The following GLRA3 variants were observed in gnomAD, a reference collection of about 807,000 sequenced individuals.
GLRA3 encodes glycine receptor subunit alpha-3.
In GLRA3, 44 loss-of-function variants were observed where a neutral mutation model predicts 60.4. That is an observed-to-expected ratio of 0.73 (90% CI 0.57 to 0.94). The LOEUF (loss-of-function observed/expected upper bound fraction) is 0.94, where lower values mean the gene tolerates loss of function less well. GLRA3 is among the 40% of genes least tolerant of loss of function. GLRA3 has a pLI of 0.00. For synonymous variants in GLRA3, 223 were observed against 192.9 expected (o/e 1.16, Z -1.29); for missense variants, 508 against 564.6 (o/e 0.90, Z 1.02).
At chr4:174,793,001 T>G (rs1015165031) in intron 1 of GLRA3, among the ~76,000 whole-genome samples, 3 of 152,154 alleles carry the variant, frequency 2.0e-5, no homozygotes, top group Admixed American at 6.6e-5. Flanking sequence ...AATCCCACTG[T>G]TTTTACTAAG....
At chr4:174,701,721 A>T (rs1433531768) in intron 5 of GLRA3, among the ~76,000 whole-genome samples, 1 of 152,218 alleles carries the variant, frequency 6.6e-6, no homozygotes, top group African/African-American at 2.4e-5. Context: ...GGAATTTGGA[A>T]GAAGTTGATT....
chr4:174,661,580 T>C (rs1297038522), intron 7 of GLRA3, among the ~76,000 whole-genome samples: 2 of 152,228 alleles, frequency 1.3e-5, no homozygotes, highest in Non-Finnish European at 2.9e-5. Flanking sequence ...TGGAGGCTTC[T>C]ATTTGGCCAC....
intron 2 of GLRA3, among the ~76,000 whole-genome samples, chr4:174,771,450 T>C (rs1738382293): frequency 6.9e-6 from 1 of 145,226 alleles, no homozygotes; most frequent in Non-Finnish European, 1.5e-5. Flanking sequence ...TACTATTTTC[T>C]TTTTTTTTTT....
rs141996907 is a variant in GLRA3 at position 174,671,950 on chromosome 4, C to T, written c.927+5128G>A. Among the ~76,000 whole-genome samples, 690 of 152,116 alleles carry T rather than the reference C, an allele frequency of 4.5e-3. 5 individuals carry two copies. Among genetic ancestry groups the T allele is most frequent in the African/African-American group, 0.015 (629 of 41,498 alleles). ...ACAGATGTGAGCCACCGTGCCCAGA[C>T]GCTATCTCTGAAAATGAGGACAGTT... On this transcript the variant is annotated intron_variant, in intron 7 of 9. Transcript: ENST00000274093.
chr4:174,764,223 G>A (rs1264843395), intron 3 of GLRA3, among the ~76,000 whole-genome samples: 1 of 148,772 alleles, frequency 6.7e-6, no homozygotes, highest in African/African-American at 2.6e-5. Context: ...GACTAATAGA[G>A]AAATTTTCCC....
intron 4 of GLRA3, among the ~76,000 whole-genome samples, chr4:174,721,827 A>T (rs1257246038): frequency 6.6e-6 from 1 of 151,548 alleles, no homozygotes; most frequent in Non-Finnish European, 1.5e-5. Flanking sequence ...GTGTGTGTAT[A>T]TATATGTGTG....
At chr4:174,770,733 G>C (rs1738347247) in intron 2 of GLRA3, among the ~76,000 whole-genome samples, 1 of 151,998 alleles carries the variant, frequency 6.6e-6, no homozygotes, top group Admixed American at 6.6e-5. Context: ...AGTTACTAAT[G>C]AACATTTTAA....
chr4:174,752,030 T>C (rs1737508845), intron 3 of GLRA3, among the ~76,000 whole-genome samples: 1 of 152,136 alleles, frequency 6.6e-6, no homozygotes, highest in Non-Finnish European at 1.5e-5. Context: ...TTTCTTTTTA[T>C]GTCTGCTGTC....
intron 1 of GLRA3, among the ~76,000 whole-genome samples, chr4:174,821,915 C>T (rs62332369): frequency 0.23 from 35,599 of 152,080 alleles, 4,979 homozygotes; most frequent in Non-Finnish European, 0.31. Context: ...AAATAGAATT[C>T]AAATCTAAAA....
At chr4:174,678,707 A>C (rs1579431787) in intron 6 of GLRA3, among the ~76,000 whole-genome samples, 2 of 152,190 alleles carry the variant, frequency 1.3e-5, no homozygotes, top group East Asian at 3.9e-4. Flanking sequence ...ACCATACATG[A>C]TCCTTTTATT....
chr4:174,788,021 G>A (rs917652859), intron 2 of GLRA3, among the ~76,000 whole-genome samples: 1 of 151,840 alleles, frequency 6.6e-6, no homozygotes, highest in Admixed American at 6.6e-5. Context: ...TTAAACTTTA[G>A]CAATGAAACA....
intron 3 of GLRA3, among the ~76,000 whole-genome samples, chr4:174,753,246 G>A (rs1737556803): frequency 6.6e-6 from 1 of 152,126 alleles, no homozygotes; most frequent in Non-Finnish European, 1.5e-5. Context: ...TAGTTGGCTT[G>A]TTGTTTTGTG....
chr4:174,708,380 T>C (rs892140446), intron 5 of GLRA3, among the ~76,000 whole-genome samples: 14 of 151,966 alleles, frequency 9.2e-5, no homozygotes, highest in Non-Finnish European at 2.9e-5. Flanking sequence ...CAAAACCCCA[T>C]TAAAGTGTAT....
chr4:174,701,770 A>C (rs1377762704), intron 5 of GLRA3, among the ~76,000 whole-genome samples: 1 of 152,218 alleles, frequency 6.6e-6, no homozygotes, highest in Non-Finnish European at 1.5e-5. Context: ...TTAAGACTTC[A>C]GTGGAGGAAG....
intron 3 of GLRA3, among the ~76,000 whole-genome samples, chr4:174,754,936 G>GCAAAT (rs1480209154): frequency 6.6e-6 from 1 of 152,058 alleles, no homozygotes; most frequent in African/African-American, 2.4e-5. Context: ...GCGTGAAAGA[G>GCAAAT]CAAATGCTTT....
chr4:174,671,672 C>A (rs1253916402), intron 7 of GLRA3, among the ~76,000 whole-genome samples: 1 of 151,962 alleles, frequency 6.6e-6, no homozygotes, highest in South Asian at 2.1e-4. Flanking sequence ...TTTTTTGAGA[C>A]AGAGTCTCAT....
chr4:174,746,219 G>C (rs1001341487), intron 3 of GLRA3, among the ~76,000 whole-genome samples: 1 of 152,110 alleles, frequency 6.6e-6, no homozygotes, highest in African/African-American at 2.4e-5. Context: ...ACTATTCGCA[G>C]TAGCAAAGAT....
chr4:174,731,324 T>A (rs1196577370), intron 3 of GLRA3, among the ~76,000 whole-genome samples: 1 of 152,124 alleles, frequency 6.6e-6, no homozygotes, highest in African/African-American at 2.4e-5. Flanking sequence ...TTTGTGAAAA[T>A]GTGTAAAGAA....
chr4:174,771,368 C>G (rs953626087), intron 2 of GLRA3, among the ~76,000 whole-genome samples: 4 of 151,996 alleles, frequency 2.6e-5, no homozygotes, highest in Non-Finnish European at 5.9e-5. Context: ...GACTGGCATC[C>G]TTGAAAAGCT....
Sources: allele counts gnomAD v4.1 joint callset (sites outside exome capture counted in the v4.1 genomes callset), GRCh38; gene constraint gnomAD v4.1.1; transcripts MANE v1.5; gene names NCBI Gene and HGNC (gene_info 2026-07-23, HGNC 2026-07-21).